Variants in TSPAN8 observed in about 807,000 individuals in gnomAD.
The protein encoded by TSPAN8 is tetraspanin-8.
TSPAN8 carries 21 observed loss-of-function variants against 32.8 expected under a neutral mutation model. That is an observed-to-expected ratio of 0.64 (90% CI 0.45 to 0.92). TSPAN8 has a LOEUF of 0.92. Among genes scored for constraint, TSPAN8 ranks in the 40% least tolerant of loss-of-function variants. The pLI, the probability that TSPAN8 is intolerant of heterozygous loss-of-function variation, is 0.00. For missense variants in TSPAN8, 269 were observed against 281.9 expected, an observed-to-expected ratio of 0.95 and a Z score of 0.33; for synonymous variants, 95 against 94.6, an observed-to-expected ratio of 1.00 and a Z score of -0.03.
chr12:71,152,411 A>G (rs1004476257), intron 2 of TSPAN8, among the ~76,000 whole-genome samples: 1 of 152,226 alleles, frequency 6.6e-6, no homozygotes, highest in Non-Finnish European at 1.5e-5. Flanking sequence ...TGCTTCATAA[A>G]AACACCTATA....
chr12:71,127,771 A>T (rs971708098), intron 8 of TSPAN8, among the ~76,000 whole-genome samples: 5 of 152,186 alleles, frequency 3.3e-5, no homozygotes, highest in African/African-American at 1.2e-4. Context: ...AAAGGATTTC[A>T]TCAACCTCCC....
In TSPAN8 at chr12:71,156,250, C is replaced by CAAAAAAAA. The variant is rs763217771; in HGVS notation, c.60+1361_60+1368dup. Among the ~76,000 whole-genome samples, 42 of 24,340 alleles carry CAAAAAAAA rather than the reference C, an allele frequency of 1.7e-3. 4 individuals carry two copies. Among genetic ancestry groups the CAAAAAAAA allele is most frequent in the African/African-American group, 6.7e-3 (29 of 4,298 alleles). The allele number at this position is 24,340 out of a possible 152,430, so 16.0% of individuals were successfully genotyped here. ...TCTTTAGTGAATATTCAAAGTTCTC[C>CAAAAAAAA]AAAAAAAAAAAAAAAAAACAAACAA... is the stretch of plus-strand genomic sequence containing the variant. On this transcript the variant is annotated intron_variant, in intron 2 of 8. Coordinates refer to ENST00000247829, the MANE Select transcript of TSPAN8 (RefSeq NM_004616.3).
At chr12:71,151,751 T>C (rs1679005952) in intron 2 of TSPAN8, among the ~76,000 whole-genome samples, 1 of 152,252 alleles carries the variant, frequency 6.6e-6, no homozygotes, top group South Asian at 2.1e-4. Flanking sequence ...AGACAACATG[T>C]ATCCTATATT....
chr12:71,135,099 T>C, intron 6 of TSPAN8, among the ~76,000 whole-genome samples: 1 of 152,128 alleles, frequency 6.6e-6, no homozygotes, highest in East Asian at 1.9e-4. Context: ...CAATGTGTTA[T>C]GGGACTCCAG....
intron 8 of TSPAN8, among the ~76,000 whole-genome samples, chr12:71,126,249 A>G (rs1197464628): frequency 6.6e-6 from 1 of 152,194 alleles, no homozygotes; most frequent in Non-Finnish European, 1.5e-5. Flanking sequence ...TGTAATTCAA[A>G]TGAGAACTGC....
At chr12:71,149,385 A>AG (rs1256405851) in intron 2 of TSPAN8, among the ~76,000 whole-genome samples, 4 of 151,974 alleles carry the variant, frequency 2.6e-5, no homozygotes, top group Admixed American at 2.0e-4. Context: ...AAAAAAAAAA[A>AG]AGAGTAGAAT....
chr12:71,135,304 AG>A (rs1220256631), intron 6 of TSPAN8, among the ~76,000 whole-genome samples: 1 of 102,702 alleles, frequency 9.7e-6, no homozygotes, highest in Non-Finnish European at 1.9e-5. Flanking sequence ...GAGGAGGGGG[AG>A]GGGGAGGTGG....
Position 71,153,663 on chromosome 12 carries a change from T to C in TSPAN8, c.60+3956A>G, listed in dbSNP as rs1872327240. Among the ~76,000 whole-genome samples, 4 of 152,316 alleles carry C rather than the reference T, an allele frequency of 2.6e-5. No individual in the cohort carries two copies. The Middle Eastern group carries it at 0.01, about 389-fold the overall frequency. Reference sequence around the variant, plus strand: ...ATTAGGAATGTGACAAATTGCTAATTTCCTATGAAGGATTGTAAAATTCCA... The same window carrying C: ...ATTAGGAATGTGACAAATTGCTAATCTCCTATGAAGGATTGTAAAATTCCA... On this transcript the variant is annotated intron_variant, in intron 2 of 8. Transcript: ENST00000247829.
intron 8 of TSPAN8, among the ~76,000 whole-genome samples, chr12:71,126,272 C>A (rs544917813): frequency 4.6e-5 from 7 of 152,294 alleles, no homozygotes; most frequent in African/African-American, 1.7e-4. Flanking sequence ...ACCAATCTTT[C>A]TTCCTTCTTA....
chr12:71,133,602 A>G (rs1871588932), intron 6 of TSPAN8, among the ~76,000 whole-genome samples: 2 of 152,198 alleles, frequency 1.3e-5, no homozygotes. Flanking sequence ...TAGATGCTCA[A>G]GGAGCCTCCC....
In TSPAN8 at chr12:71,129,412, G is replaced by A. The variant is rs748093022; in HGVS notation, c.579C>T (p.Thr193=). The part of the protein sequence containing the change: ...SYNGKQVYKE[T]CISFIKDFLA... ...AGAAGTCTTTTATGAAAGAAATACAGGTCTGTTAAAAAAAAAAAACATTAA... is the reference window on the plus strand; with the variant it reads ...AGAAGTCTTTTATGAAAGAAATACAAGTCTGTTAAAAAAAAAAAACATTAA... The change falls in exon 8 of 9, where the codon ACC becomes ACT. Residue 193 remains threonine, a splice_region_variant and synonymous_variant. Transcript: ENST00000247829. The A allele has an allele frequency of 4.3e-5, 66 of 1,547,800 alleles. No homozygotes were observed. Among genetic ancestry groups the A allele is most frequent in the Non-Finnish European group, 5.6e-5 (65 of 1,152,590 alleles).
Position 71,128,641 on chromosome 12 carries a change from GT to G in TSPAN8, c.660+689del, listed in dbSNP as rs201862566. Among the ~76,000 whole-genome samples the G allele has an allele frequency of 2.6e-3, 358 of 139,194 alleles. 1 individual carries two copies. The highest frequency in any genetic ancestry group is 7.2e-3 in the African/African-American group (267 of 37,132). The allele number at this position is 139,194 out of a possible 152,430, so 91.3% of individuals were successfully genotyped here. A position where few individuals can be genotyped will look rare whatever the true frequency, so the allele number is the denominator to read the frequency against. ...AGGCCATGTGAAAAGTATCTTTCAG[GT>G]TTTTTTTTTTTTTAAAAAAAAAACA... On this transcript the variant is annotated intron_variant, in intron 8 of 8. Coordinates refer to ENST00000247829, the MANE Select transcript of TSPAN8 (RefSeq NM_004616.3).
intron 2 of TSPAN8, among the ~76,000 whole-genome samples, chr12:71,148,326 T>C (rs1421730610): frequency 6.6e-6 from 1 of 152,230 alleles, no homozygotes; most frequent in Non-Finnish European, 1.5e-5. Flanking sequence ...CATTGTTTCA[T>C]TGTCTTCTGA....
intron 8 of TSPAN8, among the ~76,000 whole-genome samples, chr12:71,128,297 T>A (rs1871405725): frequency 6.6e-6 from 1 of 152,150 alleles, no homozygotes; most frequent in African/African-American, 2.4e-5. Context: ...AAATAACCAC[T>A]TAGGACACTA....
chr12:71,154,706 T>A (rs1872370021), intron 2 of TSPAN8, among the ~76,000 whole-genome samples: 1 of 152,242 alleles, frequency 6.6e-6, no homozygotes, highest in African/African-American at 2.4e-5. Flanking sequence ...ATATTAATAT[T>A]TTGGTTTGTT....
In TSPAN8 at chr12:71,137,973, T is replaced by C. The variant is rs773700047; in HGVS notation, c.424A>G (p.Ile142Val). 7 of 1,613,502 alleles carry C rather than the reference T, an allele frequency of 4.3e-6. No homozygotes were observed. In the East Asian group the frequency reaches 1.6e-4, roughly 36 times the overall value. Residue 142 changes from isoleucine (I) to valine (V), a missense_variant, in exon 6 of 9, where the codon ATA becomes GTA. By Grantham distance (29) the Ile-to-Val change is conservative (BLOSUM62 3). Transcript: ENST00000247829. ...ATTACCTCTTCTTGAAACACAATTATGGCTTCCTGGAATTGTTTTTCACTT... is the reference window on the plus strand; with the variant it reads ...ATTACCTCTTCTTGAAACACAATTACGGCTTCCTGGAATTGTTTTTCACTT... ...GESEKQFQEA[I>V]IVFQEEFKCC...
At chr12:71,129,890 T>C (rs1367760269) in intron 7 of TSPAN8, among the ~76,000 whole-genome samples, 1 of 152,068 alleles carries the variant, frequency 6.6e-6, no homozygotes, top group African/African-American at 2.4e-5. Context: ...GTTGAGATTT[T>C]AGATAATAAT....
intron 7 of TSPAN8, 152 bp downstream of exon 7, chr12:71,132,541 T>C: frequency 1.1e-6 from 1 of 929,052 alleles, no homozygotes. Flanking sequence ...CTTTTATCTT[T>C]AAATAAGGAT....
intron 8 of TSPAN8, among the ~76,000 whole-genome samples, chr12:71,128,087 T>C (rs1342159571): frequency 2.6e-5 from 4 of 152,036 alleles, no homozygotes; most frequent in African/African-American, 7.2e-5. Context: ...TCAAGAGAAA[T>C]AGACCTAATC....
Sources: gnomAD v4.1 joint callset for allele counts (sites outside exome capture counted in the v4.1 genomes callset) on GRCh38, gnomAD v4.1.1 for gene constraint, MANE v1.5 for transcripts, NCBI Gene and HGNC (gene_info 2026-07-23, HGNC 2026-07-21) for gene names.